TENM1: variants seen among roughly 807,000 people sequenced by gnomAD.
TENM1 encodes the protein teneurin-1.
Under a neutral mutation model 174.8 loss-of-function variants are expected in TENM1, and 35 were observed. The observed-to-expected ratio is 0.20, with a 90% CI of 0.15 to 0.27. TENM1 has a LOEUF of 0.27. Among genes scored for constraint, TENM1 ranks in the 10% least tolerant of loss-of-function variants. TENM1 has a pLI of 1.00. For missense variants in TENM1, 1,633 were observed against 2,130.1 expected (o/e 0.77, Z 4.59); for synonymous variants, 781 against 798.7 (o/e 0.98, Z 0.37).
chrX:124,802,229 T>C (rs772539588), intron 3 of TENM1, among the ~76,000 whole-genome samples: 3 of 112,084 alleles, frequency 2.7e-5, no homozygotes, highest in Non-Finnish European at 3.8e-5. Context: ...TTGTTGATTC[T>C]TTCTCATCTT....
chrX:125,060,179 TCTCACACA>T, the TENM1 span, among the ~76,000 whole-genome samples: 84 of 82,415 alleles, frequency 1.0e-3, no homozygotes, highest in African/African-American at 6.0e-3. Flanking sequence ...TCTCTCTCTC[TCTCACACA>T]CACACACACA....
exon 23 of TENM1, chrX:124,453,347 T>C (rs201682994): frequency 8.3e-7 from 1 of 1,206,754 alleles, no homozygotes; most frequent in East Asian, 3.0e-5. Flanking sequence ...CTGAGTGATG[T>C]CCATTCCTGA....
At chrX:124,870,480 G>A (rs2057089503) in intron 3 of TENM1, among the ~76,000 whole-genome samples, 1 of 111,774 alleles carries the variant, frequency 8.9e-6, no homozygotes, top group Non-Finnish European at 1.9e-5. Flanking sequence ...GGATTATGGT[G>A]CAAACTGCAG....
At chrX:124,615,159 G>A (rs2050370803) in intron 11 of TENM1, among the ~76,000 whole-genome samples, 1 of 112,490 alleles carries the variant, frequency 8.9e-6, no homozygotes, top group Non-Finnish European at 1.9e-5. Flanking sequence ...AACCTTGGAT[G>A]TAGAATGACA....
chrX:125,000,114 G>A, the TENM1 span, among the ~76,000 whole-genome samples: 1 of 111,793 alleles, frequency 8.9e-6, no homozygotes, highest in African/African-American at 3.2e-5. Flanking sequence ...TTTAAAGTGT[G>A]AGATAATAAT....
chrX:124,429,114 T>C (rs1342295718), intron 23 of TENM1, among the ~76,000 whole-genome samples: 5 of 111,819 alleles, frequency 4.5e-5, no homozygotes, highest in African/African-American at 9.8e-5. Context: ...CTCTCAGATA[T>C]GTGCTTTTAG....
chrX:124,670,074 T>C (rs1207359348), intron 6 of TENM1, among the ~76,000 whole-genome samples: 1 of 112,066 alleles, frequency 8.9e-6, no homozygotes, highest in Non-Finnish European at 1.9e-5. Flanking sequence ...TAATGTGACC[T>C]TCATGATATA....
chrX:124,924,887 T>C (rs988039865), intron 1 of TENM1, among the ~76,000 whole-genome samples: 3 of 110,440 alleles, frequency 2.7e-5, no homozygotes, highest in African/African-American at 9.9e-5. Context: ...ATCAAACATG[T>C]ACTAACAGTG....
chrX:124,849,688 T>A (rs1490482048), intron 3 of TENM1, among the ~76,000 whole-genome samples: 4 of 111,711 alleles, frequency 3.6e-5, no homozygotes, highest in Non-Finnish European at 5.7e-5. Context: ...GAGGACCCAG[T>A]AGATGTGTCC....
chrX:124,509,279 A>G (rs1250024673), intron 18 of TENM1, among the ~76,000 whole-genome samples: 2 of 111,075 alleles, frequency 1.8e-5, no homozygotes, highest in African/African-American at 6.6e-5. Flanking sequence ...CATGTGTGGA[A>G]GGCCTTGAGA....
chrX:124,770,648 A>G (rs750304077), intron 3 of TENM1, among the ~76,000 whole-genome samples: 2 of 109,536 alleles, frequency 1.8e-5, no homozygotes, highest in Non-Finnish European at 3.8e-5. Flanking sequence ...GGCTCAAGCA[A>G]TCCTCCCACC....
chrX:124,869,962 A>G (rs2057078681), intron 3 of TENM1, among the ~76,000 whole-genome samples: 1 of 111,374 alleles, frequency 9.0e-6, no homozygotes, highest in Non-Finnish European at 1.9e-5. Context: ...ACATGTTAAA[A>G]TAGCTTAAGA....
chrX:124,616,148 G>A, intron 11 of TENM1, among the ~76,000 whole-genome samples: 1 of 112,204 alleles, frequency 8.9e-6, no homozygotes. Flanking sequence ...GGATAAATTG[G>A]CCACATATCT....
In TENM1 at chrX:124,820,905, A is replaced by C. The variant is rs1307053953; in HGVS notation, c.535+73391T>G. ...TACCAGTATTGCTTCCCCTTTTGTT[A>C]AGTACATGTTGTCTTCTATTAGATG... On this transcript the variant is annotated intron_variant, in intron 3 of 31. Coordinates refer to ENST00000422452, the Ensembl canonical transcript of TENM1. Among the ~76,000 whole-genome samples, 5 of 112,241 alleles carry C rather than the reference A, an allele frequency of 4.5e-5. No homozygotes were observed. The Admixed American group carries it at 4.7e-4, about 11-fold the overall frequency.
chrX:124,417,484 T>C (rs1004673888), intron 25 of TENM1, among the ~76,000 whole-genome samples: 2 of 111,512 alleles, frequency 1.8e-5, no homozygotes, highest in Non-Finnish European at 3.8e-5. Flanking sequence ...AGTGCAGGGA[T>C]TACTGGTGTG....
At chrX:125,061,868 C>T in the TENM1 span, among the ~76,000 whole-genome samples, 6 of 112,100 alleles carry the variant, frequency 5.4e-5, no homozygotes, top group Non-Finnish European at 1.1e-4. Flanking sequence ...CACACCACCA[C>T]ACTAACTCTG....
the TENM1 span, among the ~76,000 whole-genome samples, chrX:125,174,009 A>T: frequency 9.0e-6 from 1 of 111,714 alleles, no homozygotes; most frequent in Non-Finnish European, 1.9e-5. Context: ...ATGACTGGTT[A>T]GATATGGAGA....
At chrX:124,538,931 G>T (rs1265305722) in intron 15 of TENM1, among the ~76,000 whole-genome samples, 3 of 111,475 alleles carry the variant, frequency 2.7e-5, no homozygotes, top group African/African-American at 9.8e-5. Context: ...AATTGATGAA[G>T]ATCTGCTATT....
chrX:124,575,862 A>T (rs140848404), intron 11 of TENM1, among the ~76,000 whole-genome samples: 3 of 111,943 alleles, frequency 2.7e-5, no homozygotes, highest in African/African-American at 9.7e-5. Flanking sequence ...AAACTATTGA[A>T]GATGAGGTGA....
Sources: allele counts gnomAD v4.1 joint callset (sites outside exome capture counted in the v4.1 genomes callset), GRCh38; gene constraint gnomAD v4.1.1; transcripts MANE v1.5; gene names NCBI Gene and HGNC (gene_info 2026-07-23, HGNC 2026-07-21).